Variants in SHC3 observed in about 807,000 individuals in gnomAD.
SHC3 encodes the protein SHC-transforming protein 3.
In SHC3, 15 loss-of-function variants were observed where a neutral mutation model predicts 60.4. The ratio of observed to expected loss-of-function variants is 0.25; its 90% CI spans 0.17 to 0.38. SHC3 has a LOEUF of 0.38. SHC3 is among the 10% of genes least tolerant of loss of function. SHC3 has a pLI of 1.00. For missense variants in SHC3, 677 were observed against 786.1 expected (o/e 0.86, Z 1.66); for synonymous variants, 294 against 325.9 (o/e 0.90, Z 1.05).
rs150238975 is a variant in SHC3 at position 89,161,076 on chromosome 9, T to C, written c.474+16911A>G. On this transcript the variant is annotated intron_variant, in intron 1 of 11. Transcript: ENST00000375835. ...AAGTATTTAACACGGGCTCCTGCTCTAGGGAAGCTTTGGGAGAGGCTGGCT... is the reference window on the plus strand; with the variant it reads ...AAGTATTTAACACGGGCTCCTGCTCCAGGGAAGCTTTGGGAGAGGCTGGCT... Among the ~76,000 whole-genome samples, 74 of 152,312 alleles carry C rather than the reference T, an allele frequency of 4.9e-4. No homozygotes were observed. In the Middle Eastern group the frequency reaches 0.01, roughly 21 times the overall value.
At chr9:89,164,524 T>G (rs1826758237) in intron 1 of SHC3, among the ~76,000 whole-genome samples, 1 of 152,198 alleles carries the variant, frequency 6.6e-6, no homozygotes, top group South Asian at 2.1e-4. Context: ...AGAAGTAAGA[T>G]GAAGCCAAAC....
chr9:89,016,431 TAAAA>T (rs1421888953), intron 11 of SHC3, among the ~76,000 whole-genome samples: 1 of 152,000 alleles, frequency 6.6e-6, no homozygotes, highest in Non-Finnish European at 1.5e-5. Flanking sequence ...TAATCTAAAT[TAAAA>T]AATTCCTTGA....
At chr9:89,138,831 C>A (rs1369278677) in intron 1 of SHC3, among the ~76,000 whole-genome samples, 1 of 150,946 alleles carries the variant, frequency 6.6e-6, no homozygotes, top group Non-Finnish European at 1.5e-5. Flanking sequence ...ATTAGGGTCT[C>A]TTATATTAGG....
chr9:89,084,032 TGA>T (rs1385282571), intron 2 of SHC3, among the ~76,000 whole-genome samples: 2 of 152,312 alleles, frequency 1.3e-5, no homozygotes, highest in South Asian at 2.1e-4. Context: ...TCGGAGAAAC[TGA>T]GAGTCAGAAA....
chr9:89,074,394 T>C (rs989708013), intron 4 of SHC3, among the ~76,000 whole-genome samples: 2 of 152,124 alleles, frequency 1.3e-5, no homozygotes, highest in Non-Finnish European at 2.9e-5. Context: ...GCATTTCACC[T>C]CCTGCGCCTC....
intron 6 of SHC3, among the ~76,000 whole-genome samples, chr9:89,064,073 G>GAGC (rs1825135476): frequency 6.6e-6 from 1 of 152,206 alleles, no homozygotes; most frequent in South Asian, 2.1e-4. Flanking sequence ...GAGGGTGAGG[G>GAGC]AGCTCTCTGA....
rs559570228 is a variant in SHC3, at chr9:89,042,169, T to C, written c.1217A>G (p.Tyr406Cys). 3.3e-6 allele frequency: 5 copies of C among 1,532,000 alleles called. No homozygotes were observed. Among genetic ancestry groups the C allele is most frequent in the Non-Finnish European group, 4.4e-6 (5 of 1,147,860 alleles). The allele number at this position is 1,532,000 out of a possible 1,614,324, so 94.9% of individuals were successfully genotyped here. ...GTGCAGTTTCCCTTCTGGCGTGCTG[T>C]AGATGTCCGAGGACCCTGCAACAAG... ...TPLRQGSSDIYSTPEGKLHVA... is the reference protein window; with the variant it reads ...TPLRQGSSDICSTPEGKLHVA... The change falls in exon 10 of 12, where the codon TAC becomes TGC. Residue 406 changes from tyrosine (Y) to cysteine (C), a missense_variant. Coordinates refer to ENST00000375835, the MANE Select transcript of SHC3 (RefSeq NM_016848.6).
chr9:89,080,762 T>C (rs1825432803), intron 2 of SHC3, among the ~76,000 whole-genome samples: 1 of 145,300 alleles, frequency 6.9e-6, no homozygotes, highest in South Asian at 2.2e-4. Context: ...TATATATGTA[T>C]GTATACTTTT....
Position 89,023,006 on chromosome 9 carries a change from C to G in SHC3, c.1657-9431G>C, listed in dbSNP as rs188778911. On this transcript the variant is annotated intron_variant, in intron 11 of 11. Coordinates refer to ENST00000375835, the MANE Select transcript of SHC3 (RefSeq NM_016848.6). ...ACAAGAACTGAGGTCTCACAACAAC[C>G]ATAAACAGCTTGGAAGGTTTTTCCA... 1.7e-3 allele frequency among the ~76,000 whole-genome samples: 253 copies of G among 152,320 alleles called. 2 individuals carry two copies. Among genetic ancestry groups the G allele is most frequent in the African/African-American group, 5.9e-3 (245 of 41,576 alleles).
At chr9:89,029,772 T>C (rs528428360) in intron 11 of SHC3, among the ~76,000 whole-genome samples, 3 of 152,174 alleles carry the variant, frequency 2.0e-5, no homozygotes, top group Admixed American at 6.5e-5. Context: ...CTCTCAAGAA[T>C]AGGGCAATTA....
chr9:89,045,934 G>T (rs373052522), intron 8 of SHC3, 101 bp from the exon 9 acceptor site: 1 of 1,132,842 alleles, frequency 8.8e-7, no homozygotes, highest in Non-Finnish European at 1.3e-6. Context: ...CCTTAAGGTG[G>T]TTCGCATCCT....
At chr9:89,097,605 T>G (rs1825723986) in intron 2 of SHC3, among the ~76,000 whole-genome samples, 1 of 152,198 alleles carries the variant, frequency 6.6e-6, no homozygotes, top group Non-Finnish European at 1.5e-5. Context: ...CTTGCTTCAT[T>G]TTTAGTCATT....
chr9:89,138,147 C>T (rs1826345040), intron 1 of SHC3, among the ~76,000 whole-genome samples: 1 of 152,256 alleles, frequency 6.6e-6, no homozygotes, highest in East Asian at 1.9e-4. Flanking sequence ...AGGGTGACAG[C>T]AGATCTGTCC....
intron 11 of SHC3, among the ~76,000 whole-genome samples, chr9:89,024,084 C>A (rs528066790): frequency 6.6e-6 from 1 of 152,084 alleles, no homozygotes; most frequent in African/African-American, 2.4e-5. Flanking sequence ...TCGTAAGTTA[C>A]CTGTAATGCA....
intron 1 of SHC3, among the ~76,000 whole-genome samples, chr9:89,135,685 T>C (rs1478508744): frequency 1.3e-5 from 2 of 152,148 alleles, no homozygotes; most frequent in Non-Finnish European, 2.9e-5. Flanking sequence ...TGAGGGTTTT[T>C]TTTCTGCGAT....
At chr9:89,126,023 C>A (rs951830249) in intron 1 of SHC3, among the ~76,000 whole-genome samples, 2 of 152,162 alleles carry the variant, frequency 1.3e-5, no homozygotes, top group Non-Finnish European at 1.5e-5. Flanking sequence ...GATCCAAGAA[C>A]CCTCTCTTGG....
chr9:89,153,313 G>A (rs1587757249), intron 1 of SHC3, among the ~76,000 whole-genome samples: 3 of 152,166 alleles, frequency 2.0e-5, no homozygotes, highest in South Asian at 4.1e-4. Context: ...TTGGTATTAT[G>A]AGAATGTTGT....
chr9:89,027,934 G>A (rs886320300), intron 11 of SHC3, among the ~76,000 whole-genome samples: 1 of 152,234 alleles, frequency 6.6e-6, no homozygotes, highest in Non-Finnish European at 1.5e-5. Context: ...TGAGCCTGCA[G>A]CTCCCGCTGC....
chr9:89,025,690 C>T (rs1826284353), intron 11 of SHC3, among the ~76,000 whole-genome samples: 1 of 152,200 alleles, frequency 6.6e-6, no homozygotes, highest in African/African-American at 2.4e-5. Flanking sequence ...CTTAAGACTT[C>T]TGTAGCAATA....
Sources: gnomAD v4.1 joint callset for allele counts (sites outside exome capture counted in the v4.1 genomes callset) on GRCh38, gnomAD v4.1.1 for gene constraint, MANE v1.5 for transcripts, NCBI Gene and HGNC (gene_info 2026-07-23, HGNC 2026-07-21) for gene names.